The following HIF1AN variants were observed in gnomAD, a reference collection of about 807,000 sequenced individuals.
HIF1AN encodes the protein hypoxia-inducible factor 1-alpha inhibitor.
In HIF1AN, 21 loss-of-function variants were observed where a neutral mutation model predicts 47.7. The observed-to-expected ratio is 0.44, with a 90% CI of 0.31 to 0.63. The LOEUF (loss-of-function observed/expected upper bound fraction) is 0.63, where lower values mean the gene tolerates loss of function less well. HIF1AN is among the 30% of genes least tolerant of loss of function. The pLI is 0.07. For synonymous variants in HIF1AN, 152 were observed against 155.9 expected (o/e 0.98, Z 0.18); for missense variants, 320 against 432.7 (o/e 0.74, Z 2.31).
At chr10:100,545,371 T>G in intron 4 of HIF1AN, 1 of 391,442 alleles carries the variant, frequency 2.6e-6, no homozygotes, top group Non-Finnish European at 4.6e-6. Context: ...TCTGTTTGAT[T>G]GGCTTATAAG....
At chr10:100,544,315 G>T (rs1843074224) in intron 3 of HIF1AN, among the ~76,000 whole-genome samples, 1 of 152,168 alleles carries the variant, frequency 6.6e-6, no homozygotes, top group Admixed American at 6.5e-5. Flanking sequence ...GGTGGCTCAC[G>T]CCTGTAATGC....
At chr10:100,546,216 G>A (rs1243174236) in intron 5 of HIF1AN, among the ~76,000 whole-genome samples, 167 bp downstream of exon 5, 1 of 152,126 alleles carries the variant, frequency 6.6e-6, no homozygotes, top group African/African-American at 2.4e-5. Context: ...GGATAGTGGC[G>A]GGAATGATAG....
rs1369321990 is a variant in HIF1AN at position 100,548,119 on chromosome 10, C to G, written c.1032C>G (p.Ile344Met). 4 of 1,612,328 alleles carry G rather than the reference C, an allele frequency of 2.5e-6. No homozygotes were observed. Among genetic ancestry groups the G allele is most frequent in the Non-Finnish European group, 3.4e-6 (4 of 1,179,136 alleles). The part of the protein sequence containing the change: ...QEVGPLLNTM[I>M]KGRYN ...TGGGGCCCTTGTTGAACACAATGAT[C>G]AAGGGCCGATACAACTAGCCTGCCA... Residue 344 changes from isoleucine (I) to methionine (M), a missense_variant, in exon 8 of 8, where the codon ATC (isoleucine) becomes ATG (methionine). Physicochemically the swap from Ile to Met is conservative, Grantham distance 10. Coordinates refer to ENST00000299163, the MANE Select transcript of HIF1AN (RefSeq NM_017902.3).
intron 4 of HIF1AN, chr10:100,545,532 G>A (rs1843085263): frequency 4.9e-6 from 1 of 205,474 alleles, no homozygotes; most frequent in South Asian, 1.4e-4. Flanking sequence ...GTGGTTAACT[G>A]TGGCCAGCCA....
Position 100,559,061 on chromosome 10 carries a change from T to C in HIF1AN, c.*10924T>C, listed in dbSNP as rs1046854933. On this transcript the variant is annotated 3_prime_UTR_variant, in exon 8 of 8. Coordinates refer to ENST00000299163, the MANE Select transcript of HIF1AN (RefSeq NM_017902.3). ...TTTGCTAAGTTTCTTTTTTTTTTTT[T>C]TGAGACGGAGTCTCACTCTGTTGCC... The C allele has an allele frequency of 1.3e-5, 2 of 152,142 alleles. No homozygotes were observed. The highest frequency in any genetic ancestry group is 1.3e-4 in the Admixed American group (2 of 15,276). 9.4% of individuals were successfully genotyped at this position (152,142 alleles called of 1,614,324 possible).
At chr10:100,547,340 G>A (rs989822705) in intron 7 of HIF1AN, 90 bp downstream of exon 7, 32 of 773,552 alleles carry the variant, frequency 4.1e-5, no homozygotes, top group Non-Finnish European at 6.7e-5. Flanking sequence ...CTGTGTTTCA[G>A]TGTCTGGTGT....
At position 100,549,560 on chromosome 10, in the gene HIF1AN, C is replaced by T. The variant is rs1843134433; in HGVS notation, c.*1423C>T. The T allele has an allele frequency of 6.6e-6, 1 of 152,270 alleles. No homozygotes were observed. The highest frequency in any genetic ancestry group is 2.1e-4 in the South Asian group (1 of 4,832). 9.4% of individuals were successfully genotyped at this position (152,270 alleles called of 1,614,324 possible). On this transcript the variant is annotated 3_prime_UTR_variant, in exon 8 of 8. Coordinates refer to ENST00000299163, the MANE Select transcript of HIF1AN (RefSeq NM_017902.3). ...TTAGGAGCTACTCCTGGGAACCCCT[C>T]TCAGGGCTGCAGCTTACAGGTGGGC...
intron 5 of HIF1AN, 68 bp from the exon 6 acceptor site, chr10:100,546,450 C>CCCCCGGGG: frequency 1.1e-6 from 1 of 905,882 alleles, no homozygotes; most frequent in Admixed American, 2.0e-5. Context: ...GCCACCCCCC[C>CCCCCGGGG]GCACTTCGCC....
In HIF1AN at chr10:100,558,474, G is replaced by C. The variant is rs1843232533; in HGVS notation, c.*10337G>C. 1 of 152,166 alleles carries C rather than the reference G, an allele frequency of 6.6e-6. No individual in the cohort carries two copies. The allele number at this position is 152,166 out of a possible 1,614,324, so 9.4% of individuals were successfully genotyped here. A position where few individuals can be genotyped will look rare whatever the true frequency, so the allele number is the denominator to read the frequency against. On this transcript the variant is annotated 3_prime_UTR_variant, in exon 8 of 8. Coordinates refer to ENST00000299163, the MANE Select transcript of HIF1AN (RefSeq NM_017902.3). ...ACTCTTAAGAGCAGTGGTTCACCTAGAAATAAAAAGCAGAAATCATCAAGA... is the reference window on the plus strand; with the variant it reads ...ACTCTTAAGAGCAGTGGTTCACCTACAAATAAAAAGCAGAAATCATCAAGA...
chr10:100,541,797 G>A (rs577774554), intron 3 of HIF1AN, among the ~76,000 whole-genome samples: 6 of 152,264 alleles, frequency 3.9e-5, no homozygotes, highest in Admixed American at 1.3e-4. Context: ...TTAATGTCAG[G>A]GATACGTTCT....
chr10:100,538,475 G>A (rs1021740896), intron 2 of HIF1AN, among the ~76,000 whole-genome samples: 7 of 152,116 alleles, frequency 4.6e-5, no homozygotes, highest in Non-Finnish European at 7.3e-5. Context: ...TCTTTGGGGA[G>A]CGTTGCATTG....
intron 2 of HIF1AN, among the ~76,000 whole-genome samples, chr10:100,540,182 A>G (rs1192220503): frequency 7.4e-6 from 1 of 134,272 alleles, no homozygotes; most frequent in South Asian, 2.3e-4. Flanking sequence ...TTTTAATTTT[A>G]TTTTTCATCT....
intron 3 of HIF1AN, among the ~76,000 whole-genome samples, chr10:100,543,303 C>T (rs1843062745): frequency 6.6e-6 from 1 of 152,138 alleles, no homozygotes; most frequent in Non-Finnish European, 1.5e-5. Flanking sequence ...GATCCTCCCA[C>T]CTCACCCTTC....
chr10:100,542,855 T>TTC (rs1554844210), intron 3 of HIF1AN, among the ~76,000 whole-genome samples: 1 of 94,344 alleles, frequency 1.1e-5, no homozygotes, highest in Non-Finnish European at 2.4e-5. Context: ...TGTTTTTTTT[T>TTC]TTTTTTTTTT....
At chr10:100,545,576 A>G (rs967916345) in intron 4 of HIF1AN, 3 of 217,742 alleles carry the variant, frequency 1.4e-5, no homozygotes, top group Non-Finnish European at 2.7e-5. Flanking sequence ...AAAGCTGTCT[A>G]GCTACTTCAT....
At chr10:100,538,217 TTTAA>T (rs1852252175) in intron 2 of HIF1AN, among the ~76,000 whole-genome samples, 1 of 152,176 alleles carries the variant, frequency 6.6e-6, no homozygotes, top group Admixed American at 6.5e-5. Flanking sequence ...AAGGAAAATC[TTTAA>T]TTGTTTGGAA....
intron 2 of HIF1AN, among the ~76,000 whole-genome samples, chr10:100,537,487 A>G (rs962976079): frequency 6.6e-6 from 1 of 152,224 alleles, no homozygotes; most frequent in Non-Finnish European, 1.5e-5. Flanking sequence ...GTGATTCTGC[A>G]GTAAAGAAGG....
rs1165863209 is a variant in HIF1AN, at chr10:100,549,352, T to C, written c.*1215T>C. 1 of 152,200 alleles carries C rather than the reference T, an allele frequency of 6.6e-6. No individual in the cohort carries two copies. The highest frequency in any genetic ancestry group is 1.5e-5 in the Non-Finnish European group (1 of 68,080). 9.4% of individuals were successfully genotyped at this position (152,200 alleles called of 1,614,324 possible). ...ATTCCTGCTGAGCTTCCTGGCTGAA[T>C]AGATGAAATGGGGTCAAGCCCAGGC... On this transcript the variant is annotated 3_prime_UTR_variant, in exon 8 of 8. Transcript: ENST00000299163.
At position 100,547,175 on chromosome 10, in the gene HIF1AN, C is replaced by T; in HGVS notation, c.930C>T (p.Leu310=). Residue 310 remains leucine, a synonymous_variant, in exon 7 of 8, where the codon CTC becomes CTT. Transcript: ENST00000299163. ...CCCCTAAGAGAATTGAATATCCTCT[C>T]AAAGCTCATCAGAAAGTGGCCATAA... ...APTPKRIEYP[L]KAHQKVAIMR... 1 of 1,613,904 alleles carries T rather than the reference C, an allele frequency of 6.2e-7. No homozygotes were observed. Among genetic ancestry groups the T allele is most frequent in the Non-Finnish European group, 8.5e-7 (1 of 1,179,908 alleles).
Sources: gnomAD v4.1 joint callset for allele counts (sites outside exome capture counted in the v4.1 genomes callset) on GRCh38, gnomAD v4.1.1 for gene constraint, MANE v1.5 for transcripts, NCBI Gene and HGNC (gene_info 2026-07-23, HGNC 2026-07-21) for gene names.